STOX2: variants seen among roughly 807,000 people sequenced by gnomAD.
The protein encoded by STOX2 is storkhead-box protein 2.
STOX2 carries 28 observed loss-of-function variants against 60.9 expected under a neutral mutation model. The observed-to-expected ratio is 0.46, with a 90% confidence interval of 0.34 to 0.63. The LOEUF is 0.63. STOX2 is among the 30% of genes least tolerant of loss of function. The pLI, the probability that STOX2 is intolerant of heterozygous loss-of-function variation, is 0.01. For missense variants in STOX2, 1,024 were observed against 1,187.7 expected (o/e 0.86, Z 2.03); for synonymous variants, 472 against 463.9 (o/e 1.02, Z -0.22).
At chr4:183,883,759 T>G (rs2111175012) in intron 1 of STOX2, among the ~76,000 whole-genome samples, 1 of 152,332 alleles carries the variant, frequency 6.6e-6, no homozygotes, top group East Asian at 1.9e-4. Context: ...GTATCACTGA[T>G]GAAATGTGAC....
Position 184,001,247 on chromosome 4 carries a change from T to C in STOX2, c.167-78T>C. ...CTGTGTTCGTCAGACCAGGGCCAGATGGACGCGTGAAGGCGTGTGTCTGAC... is the reference window on the plus strand; with the variant it reads ...CTGTGTTCGTCAGACCAGGGCCAGACGGACGCGTGAAGGCGTGTGTCTGAC... On this transcript the variant is annotated intron_variant, in intron 1 of 3. Coordinates refer to ENST00000308497, the MANE Select transcript of STOX2 (RefSeq NM_020225.3). The surrounding 1 kb of genome is among the most constrained non-coding windows in gnomAD (Gnocchi z 4.2). 7.0e-7 allele frequency: 1 copy of C among 1,437,234 alleles called. No individual in the cohort carries two copies. Among genetic ancestry groups the C allele is most frequent in the Non-Finnish European group, 9.7e-7 (1 of 1,034,538 alleles). 89.0% of individuals were successfully genotyped at this position (1,437,234 alleles called of 1,614,324 possible).
chr4:184,020,955 T>A lies in STOX2; in HGVS notation c.*3671T>A, dbSNP rs1734564369. ...CTGTTCAGTGGAAGCAGAAGCATTG[T>A]TCCTTTTTTAGGTTGGCGCAGCTTT... On this transcript the variant is annotated 3_prime_UTR_variant, in exon 4 of 4. Transcript: ENST00000308497. 6.6e-6 allele frequency: 1 copy of A among 152,240 alleles called. No individual in the cohort carries two copies. The highest frequency in any genetic ancestry group is 2.1e-4 in the South Asian group (1 of 4,834). The allele number at this position is 152,240 out of a possible 1,614,324, so 9.4% of individuals were successfully genotyped here.
At chr4:183,830,331 C>T (rs1739536882) in intron 1 of STOX2, among the ~76,000 whole-genome samples, 1 of 152,206 alleles carries the variant, frequency 6.6e-6, no homozygotes, top group Non-Finnish European at 1.5e-5. Context: ...GGGGTTTTTA[C>T]ACTCTCAGTC....
intron 1 of STOX2, among the ~76,000 whole-genome samples, chr4:183,892,969 A>C (rs1741260469): frequency 6.6e-6 from 1 of 152,212 alleles, no homozygotes; most frequent in African/African-American, 2.4e-5. Flanking sequence ...AAAAGTCTGT[A>C]GGAGGCTTGT....
chr4:183,910,624 T>C (rs1741750442), intron 1 of STOX2, among the ~76,000 whole-genome samples: 1 of 152,244 alleles, frequency 6.6e-6, no homozygotes, highest in Admixed American at 6.5e-5. Context: ...ATACAGGTTC[T>C]ACAGCACATG....
chr4:183,811,738 C>A (rs1481383117), intron 1 of STOX2, among the ~76,000 whole-genome samples: 1 of 152,162 alleles, frequency 6.6e-6, no homozygotes, highest in African/African-American at 2.4e-5. Context: ...AAGTTTAATT[C>A]ATGAATAGTT....
Position 184,022,615 on chromosome 4 carries a change from G to A in STOX2, c.*5331G>A, listed in dbSNP as rs1165013726. 1 of 152,100 alleles carries A rather than the reference G, an allele frequency of 6.6e-6. No homozygotes were observed. Among genetic ancestry groups the A allele is most frequent in the Admixed American group, 6.5e-5 (1 of 15,272 alleles). The allele number at this position is 152,100 out of a possible 1,614,324, so 9.4% of individuals were successfully genotyped here. A position where few individuals can be genotyped will look rare whatever the true frequency, so the allele number is the denominator to read the frequency against. ...TGATTCTGGAAGGTTGGAAATGTAA[G>A]GTTAGAAGCTTGGCTGGTCTTAGTA... On this transcript the variant is annotated 3_prime_UTR_variant, in exon 4 of 4. Coordinates refer to ENST00000308497, the MANE Select transcript of STOX2 (RefSeq NM_020225.3).
chr4:183,811,871 C>T (rs938703639), intron 1 of STOX2, among the ~76,000 whole-genome samples: 7 of 148,988 alleles, frequency 4.7e-5, no homozygotes, highest in Admixed American at 3.3e-4. Context: ...ATATCAGTTT[C>T]TTTTATTCTT....
chr4:183,883,483 C>A (rs1273575661), intron 1 of STOX2, among the ~76,000 whole-genome samples: 4 of 152,030 alleles, frequency 2.6e-5, no homozygotes, highest in African/African-American at 9.7e-5. Flanking sequence ...CCACGCCCAG[C>A]TAATTTTTTG....
intron 1 of STOX2, among the ~76,000 whole-genome samples, chr4:183,811,197 C>T (rs1055084446): frequency 6.6e-6 from 1 of 152,174 alleles, no homozygotes; most frequent in Non-Finnish European, 1.5e-5. Context: ...ATAGATGGTA[C>T]ATGGGGACTG....
chr4:183,887,500 G>A (rs1228868757), intron 1 of STOX2, among the ~76,000 whole-genome samples: 1 of 152,070 alleles, frequency 6.6e-6, no homozygotes, highest in Non-Finnish European at 1.5e-5. Flanking sequence ...TCCCCTTTAG[G>A]ATCAGACATA....
At chr4:183,988,975 G>A (rs1249926331) in intron 1 of STOX2, among the ~76,000 whole-genome samples, 1 of 152,128 alleles carries the variant, frequency 6.6e-6, no homozygotes, top group African/African-American at 2.4e-5. Context: ...TCCTCCCACT[G>A]TGGGCTGCCC....
At position 184,001,529 on chromosome 4, in the gene STOX2, T is replaced by C. The variant is rs898093652; in HGVS notation, c.319+52T>C. The C allele has an allele frequency of 1.3e-6, 2 of 1,585,626 alleles. No homozygotes were observed. Among genetic ancestry groups the C allele is most frequent in the Non-Finnish European group, 1.7e-6 (2 of 1,160,678 alleles). ...CCAGGTGGCGGTGTGCTGTGGTCGC[T>C]CTAGGACTCACGTGGACTGTTCTGC... On this transcript the variant is annotated intron_variant, in intron 2 of 3. Transcript: ENST00000308497. The surrounding 1 kb of genome is among the most constrained non-coding windows in gnomAD (Gnocchi z 4.2).
chr4:183,801,085 T>C (rs1236215184), intron 1 of STOX2, among the ~76,000 whole-genome samples: 1 of 152,214 alleles, frequency 6.6e-6, no homozygotes. Flanking sequence ...AAGTATATGG[T>C]TCTAACCAAC....
chr4:183,798,661 T>C (rs571415401), intron 1 of STOX2: 453 of 985,274 alleles, frequency 4.6e-4, no homozygotes, highest in Non-Finnish European at 5.3e-4. Flanking sequence ...TCAAGTCGTT[T>C]TGTGTGTCTG....
chr4:183,805,381 T>C (rs1247770661), intron 1 of STOX2, among the ~76,000 whole-genome samples: 1 of 152,268 alleles, frequency 6.6e-6, no homozygotes, highest in African/African-American at 2.4e-5. Flanking sequence ...CTATAGTTTA[T>C]CTCAATGAGG....
chr4:183,902,701 G>A (rs765786155), upstream of STOX2, among the ~76,000 whole-genome samples: 6 of 152,192 alleles, frequency 3.9e-5, no homozygotes, highest in Non-Finnish European at 8.8e-5. Flanking sequence ...TCTTCAGATT[G>A]GACTGGTTTC....
chr4:183,849,268 A>G (rs898426098), intron 1 of STOX2, among the ~76,000 whole-genome samples: 3 of 152,198 alleles, frequency 2.0e-5, no homozygotes, highest in African/African-American at 7.2e-5. Context: ...CTCTTTGACT[A>G]AAATTGAGAC....
intron 1 of STOX2, among the ~76,000 whole-genome samples, chr4:183,913,455 A>G (rs60972108): frequency 0.61 from 92,074 of 151,700 alleles, 28,331 homozygotes; most frequent in Non-Finnish European, 0.64. Flanking sequence ...GTGGTGATCA[A>G]GCAGTAAGAC....
Sources: allele counts gnomAD v4.1 joint callset (sites outside exome capture counted in the v4.1 genomes callset), GRCh38; gene constraint gnomAD v4.1.1; non-coding constraint Gnocchi (gnomAD v3.1); transcripts MANE v1.5; gene names NCBI Gene and HGNC (gene_info 2026-07-23, HGNC 2026-07-21).